The following NECTIN2 variants were observed in gnomAD, a reference collection of about 807,000 sequenced individuals.
NECTIN2 encodes the protein nectin cell adhesion molecule 2, also known as nectin-2.
In NECTIN2, 23 loss-of-function variants were observed where a neutral mutation model predicts 56.9. That is an observed-to-expected ratio of 0.40 (90% CI 0.29 to 0.57). The LOEUF (loss-of-function observed/expected upper bound fraction) is 0.57. NECTIN2 is among the 20% of genes least tolerant of loss of function. The pLI is 0.38. For missense variants in NECTIN2, 587 were observed against 718.3 expected, an observed-to-expected ratio of 0.82 and a Z score of 2.09; for synonymous variants, 302 against 313.8, an observed-to-expected ratio of 0.96 and a Z score of 0.40.
At chr19:44,882,104 G>A in intron 5 of NECTIN2, 107 bp from the exon 6 acceptor site, 1 of 1,012,156 alleles carries the variant, frequency 9.9e-7, no homozygotes. Context: ...CTGCCCATGG[G>A]AGAGGACATA....
chr19:44,887,991 A>T (rs906608883), intron 8 of NECTIN2, 119 bp from the exon 9 acceptor site: 2 of 1,070,868 alleles, frequency 1.9e-6, no homozygotes, highest in Non-Finnish European at 2.7e-6. Flanking sequence ...ACAAGGAGTG[A>T]GGTGGCATCT....
rs114145612 is a variant in NECTIN2, at chr19:44,856,602, C to A, written c.89-8669C>A. ...TCCTTGACCCTCATTGAGTGGCCTT[C>A]CCCCCTTGCCTAGCTAGGAAGGGGC... On this transcript the variant is annotated intron_variant, in intron 1 of 8. Transcript: ENST00000252483. Among the ~76,000 whole-genome samples, 1,062 of 152,288 alleles carry A rather than the reference C, an allele frequency of 7.0e-3. 11 individuals carry two copies. Among genetic ancestry groups the A allele is most frequent in the African/African-American group, 0.024 (986 of 41,572 alleles).
intron 2 of NECTIN2, among the ~76,000 whole-genome samples, chr19:44,867,787 G>C (rs1285753669): frequency 6.6e-6 from 1 of 152,158 alleles, no homozygotes; most frequent in Non-Finnish European, 1.5e-5. Flanking sequence ...GAGGAGGCTG[G>C]ACTATGCCCT....
intron 1 of NECTIN2, among the ~76,000 whole-genome samples, chr19:44,858,138 T>A (rs569510534): frequency 6.6e-6 from 1 of 152,258 alleles, no homozygotes; most frequent in African/African-American, 2.4e-5. Context: ...TAGCTCAGAC[T>A]GATCTGAGCT....
intron 1 of NECTIN2, among the ~76,000 whole-genome samples, chr19:44,860,943 G>A (rs1227888112): frequency 1.4e-5 from 2 of 139,470 alleles, no homozygotes; most frequent in Admixed American, 7.3e-5. Flanking sequence ...TTTATATCTC[G>A]ATAAAGCTGT....
rs945631216 is a variant in NECTIN2, at chr19:44,874,670, C to T, written c.1042+192C>T. ...AGACTGGGGTCTGGATTTGGGGTGT[C>T]GGGGTAGGTGAAGGCAGCAGAGTTG... On this transcript the variant is annotated intron_variant, in intron 5 of 8. Transcript: ENST00000252483. This position sits in a 1 kb window ranked among gnomAD's most constrained non-coding sequence, Gnocchi z 6.3. 4.6e-6 allele frequency: 3 copies of T among 657,604 alleles called. No individual in the cohort carries two copies. Among genetic ancestry groups the T allele is most frequent in the East Asian group, 5.7e-5 (2 of 35,098 alleles). 40.7% of individuals were successfully genotyped at this position (657,604 alleles called of 1,614,324 possible).
intron 6 of NECTIN2, among the ~76,000 whole-genome samples, chr19:44,882,798 T>G (rs919346550): frequency 1.1e-4 from 16 of 141,544 alleles, no homozygotes; most frequent in African/African-American, 2.9e-4. Flanking sequence ...TTTTTTTTTT[T>G]TGTGACGGAG....
chr19:44,882,181 G>C (rs766636088), intron 5 of NECTIN2, 30 bp from the exon 6 acceptor site: 2 of 1,380,024 alleles, frequency 1.4e-6, no homozygotes, highest in African/African-American at 3.0e-5. Context: ...TCCTCCTGGA[G>C]ACCCCCTCAC....
rs928873785 is a variant in NECTIN2 at position 44,883,126 on chromosome 19, G to A, written c.1196+762G>A. On this transcript the variant is annotated intron_variant, in intron 6 of 8. Coordinates refer to ENST00000252483, the MANE Select transcript of NECTIN2 (RefSeq NM_001042724.2). ...AGGGCGGTTCCTAAATTGTTATGGA[G>A]AATTTACATTAAAATAACGTAAGCT... Among the ~76,000 whole-genome samples, 10 of 152,256 alleles carry A rather than the reference G, an allele frequency of 6.6e-5. No homozygotes were observed. The East Asian group carries it at 1.7e-3, about 26-fold the overall frequency.
chr19:44,871,113 T>C (rs188924843), intron 2 of NECTIN2, among the ~76,000 whole-genome samples: 9 of 152,148 alleles, frequency 5.9e-5, no homozygotes, highest in Non-Finnish European at 1.3e-4. Flanking sequence ...TGATCCACCC[T>C]CCTCAGCCTC....
At chr19:44,878,362 TGGAGGAGCAGGA>T in intron 5 of NECTIN2, 1 of 1,552,284 alleles carries the variant, frequency 6.4e-7, no homozygotes, top group Non-Finnish European at 8.7e-7. Context: ...GGAAGAGCCC[TGGAGGAGCAGGA>T]GGAGGAGCCA....
At chr19:44,853,107 GA>G (rs376160239) in intron 1 of NECTIN2, among the ~76,000 whole-genome samples, 7,938 of 135,334 alleles carry the variant, frequency 0.059, 406 homozygotes, top group African/African-American at 0.16. Flanking sequence ...TCCTATCCCA[GA>G]AAAAAAAAAA....
intron 5 of NECTIN2, among the ~76,000 whole-genome samples, chr19:44,879,822 T>C (rs71352237): frequency 0.11 from 17,176 of 152,144 alleles, 1,017 homozygotes; most frequent in South Asian, 0.14. Flanking sequence ...GCAGCCTCAT[T>C]GACCTCCACA....
intron 1 of NECTIN2, among the ~76,000 whole-genome samples, chr19:44,857,980 C>T (rs1248051206): frequency 6.6e-6 from 1 of 152,196 alleles, no homozygotes; most frequent in Non-Finnish European, 1.5e-5. Context: ...TGGCTATGCA[C>T]TGTTTATTGT....
At chr19:44,880,859 G>A (rs406315) in intron 5 of NECTIN2, among the ~76,000 whole-genome samples, 103,663 of 150,242 alleles carry the variant, frequency 0.69, 36,666 homozygotes, top group East Asian at 0.9. Context: ...GGCAACCTCC[G>A]CTTCCCAGGT....
intron 1 of NECTIN2, among the ~76,000 whole-genome samples, chr19:44,853,971 C>T (rs1968933007): frequency 6.6e-6 from 1 of 151,988 alleles, no homozygotes; most frequent in African/African-American, 2.4e-5. Context: ...GTGAGAAGCA[C>T]TATGCAGACA....
At position 44,855,789 on chromosome 19, in the gene NECTIN2, C is replaced by T. The variant is rs568788002; in HGVS notation, c.88+9176C>T. 1.9e-4 allele frequency among the ~76,000 whole-genome samples: 29 copies of T among 152,284 alleles called. No homozygotes were observed. The South Asian group carries it at 5.8e-3, about 30-fold the overall frequency. On this transcript the variant is annotated intron_variant, in intron 1 of 8. Transcript: ENST00000252483. ...TACTGAGCACCTACTACATGCTAGG[C>T]CCTGTTGTAGGTGCTGGGGATACAG...
intron 1 of NECTIN2, among the ~76,000 whole-genome samples, chr19:44,850,952 C>A (rs927297960): frequency 6.7e-4 from 102 of 152,242 alleles, no homozygotes; most frequent in African/African-American, 2.4e-3. Context: ...GGAAGCCAGG[C>A]CCTGGGGAGC....
In NECTIN2 at chr19:44,862,877, C is replaced by T. The variant is rs528004322; in HGVS notation, c.89-2394C>T. Among the ~76,000 whole-genome samples, 4 of 151,526 alleles carry T rather than the reference C, an allele frequency of 2.6e-5. No homozygotes were observed. The South Asian group carries it at 6.3e-4, about 24-fold the overall frequency. ...AAAATATTAAAAAATTGGCCGGGCG[C>T]GGTGGCTCACGCCTGTAATCCCAGC... On this transcript the variant is annotated intron_variant, in intron 1 of 8. Coordinates refer to ENST00000252483, the MANE Select transcript of NECTIN2 (RefSeq NM_001042724.2).
Sources: allele counts gnomAD v4.1 joint callset (sites outside exome capture counted in the v4.1 genomes callset), GRCh38; gene constraint gnomAD v4.1.1; non-coding constraint Gnocchi (gnomAD v3.1); transcripts MANE v1.5; gene names NCBI Gene and HGNC (gene_info 2026-07-23, HGNC 2026-07-21).